LRFN2: variants seen among roughly 807,000 people sequenced by gnomAD.
LRFN2 encodes the protein leucine rich repeat and fibronectin type III domain containing 2, also known as leucine-rich repeat and fibronectin type-III domain-containing protein 2.
LRFN2 carries 18 observed loss-of-function variants against 37.3 expected under a neutral mutation model. That is an observed-to-expected ratio of 0.48 (90% CI 0.33 to 0.72). The LOEUF is 0.72. LRFN2 is among the 30% of genes least tolerant of loss of function. LRFN2 has a pLI of 0.02. For synonymous variants in LRFN2, 556 were observed against 466.6 expected, an observed-to-expected ratio of 1.19 and a Z score of -2.47; for missense variants, 1,006 against 1,060.7, an observed-to-expected ratio of 0.95 and a Z score of 0.72.
chr6:40,577,119 A>T (rs1767300337), intron 1 of LRFN2, among the ~76,000 whole-genome samples: 1 of 45,044 alleles, frequency 2.2e-5, no homozygotes, highest in Non-Finnish European at 4.9e-5. Context: ...TTTTCTTTTT[A>T]GATATGGAGT....
chr6:40,510,278 TG>T (rs1392518577), intron 1 of LRFN2, among the ~76,000 whole-genome samples: 1 of 152,160 alleles, frequency 6.6e-6, no homozygotes, highest in Non-Finnish European at 1.5e-5. Flanking sequence ...TATGTGTTAC[TG>T]TAGGATATGG....
At chr6:40,415,747 C>A (rs1178942944) in intron 2 of LRFN2, among the ~76,000 whole-genome samples, 2 of 152,188 alleles carry the variant, frequency 1.3e-5, no homozygotes, top group African/African-American at 2.4e-5. Context: ...TTGTAGCTGC[C>A]CTTCCCATGT....
chr6:40,491,506 G>A (rs1765096776), intron 1 of LRFN2, among the ~76,000 whole-genome samples: 1 of 142,922 alleles, frequency 7.0e-6, no homozygotes, highest in Non-Finnish European at 1.5e-5. Flanking sequence ...CTCTGAGTGT[G>A]TTTCCCTCAC....
chr6:40,573,429 C>G lies in LRFN2; in HGVS notation c.-19+13512G>C, dbSNP rs1581801020. 2.6e-5 allele frequency among the ~76,000 whole-genome samples: 4 copies of G among 152,316 alleles called. 1 individual carries two copies. Among genetic ancestry groups the G allele is most frequent in the Admixed American group, 2.6e-4 (4 of 15,304 alleles). Reference sequence around the variant, plus strand: ...CTCGACCTCTGTGTTTCAGTTCCCTCTTTGCTGTAATTTGCCTAAGTGACA... The same window carrying G: ...CTCGACCTCTGTGTTTCAGTTCCCTGTTTGCTGTAATTTGCCTAAGTGACA... On this transcript the variant is annotated intron_variant, in intron 1 of 2. Transcript: ENST00000338305.
chr6:40,476,038 C>T (rs1350060441), intron 1 of LRFN2, among the ~76,000 whole-genome samples: 2 of 152,168 alleles, frequency 1.3e-5, no homozygotes, highest in South Asian at 4.1e-4. Flanking sequence ...TGAATGTAGT[C>T]CAGGCTAGAT....
intron 1 of LRFN2, among the ~76,000 whole-genome samples, chr6:40,471,976 G>C (rs1343113337): frequency 6.6e-6 from 1 of 152,146 alleles, no homozygotes; most frequent in Non-Finnish European, 1.5e-5. Context: ...CCCAAATGCT[G>C]GAGGGCCCAG....
chr6:40,567,597 A>C (rs1204320304), intron 1 of LRFN2, among the ~76,000 whole-genome samples: 2 of 152,246 alleles, frequency 1.3e-5, no homozygotes, highest in Admixed American at 1.3e-4. Context: ...ATGGGACACC[A>C]GGCAACAGAG....
At chr6:40,480,822 C>T (rs1764810996) in intron 1 of LRFN2, among the ~76,000 whole-genome samples, 1 of 152,136 alleles carries the variant, frequency 6.6e-6, no homozygotes, top group Admixed American at 6.6e-5. Context: ...GGAATACAAG[C>T]GCTCATTAAA....
At chr6:40,439,923 AAGAG>A (rs1763790449) in intron 1 of LRFN2, among the ~76,000 whole-genome samples, 1 of 151,964 alleles carries the variant, frequency 6.6e-6, no homozygotes, top group African/African-American at 2.4e-5. Context: ...AAAAGAGAGA[AAGAG>A]AGACAGAGAA....
intron 1 of LRFN2, among the ~76,000 whole-genome samples, chr6:40,446,278 GC>G (rs1449191363): frequency 6.6e-6 from 1 of 152,222 alleles, no homozygotes; most frequent in East Asian, 1.9e-4. Flanking sequence ...AAGGCAACCA[GC>G]AGTGGAGAGA....
intron 2 of LRFN2, among the ~76,000 whole-genome samples, chr6:40,397,590 C>T (rs528100112): frequency 1.3e-5 from 2 of 152,340 alleles, no homozygotes; most frequent in South Asian, 4.1e-4. Flanking sequence ...TCTACCCACA[C>T]AGCCTCTGAC....
chr6:40,527,831 A>G (rs1364383132), intron 1 of LRFN2, among the ~76,000 whole-genome samples: 2 of 152,238 alleles, frequency 1.3e-5, no homozygotes, highest in Non-Finnish European at 2.9e-5. Context: ...TTTGGGGCCA[A>G]GTTCAGTTTG....
intron 1 of LRFN2, among the ~76,000 whole-genome samples, chr6:40,444,438 C>G (rs1396931814): frequency 6.6e-6 from 1 of 152,178 alleles, no homozygotes; most frequent in Non-Finnish European, 1.5e-5. Flanking sequence ...CAGATAAAAG[C>G]CGCTGTTGCC....
At chr6:40,482,906 T>A (rs560211528) in intron 1 of LRFN2, among the ~76,000 whole-genome samples, 32 of 152,306 alleles carry the variant, frequency 2.1e-4, no homozygotes, top group Middle Eastern at 3.4e-3. Flanking sequence ...CGGACATGAC[T>A]AGGGCGCCTA....
intron 2 of LRFN2, among the ~76,000 whole-genome samples, chr6:40,421,590 G>A (rs1581692293): frequency 2.0e-5 from 3 of 152,204 alleles, no homozygotes; most frequent in Admixed American, 2.0e-4. Context: ...GAAGCCTCCA[G>A]GTAGCAGGAT....
intron 1 of LRFN2, among the ~76,000 whole-genome samples, chr6:40,523,605 C>T (rs911922445): frequency 4.0e-5 from 6 of 150,132 alleles, no homozygotes; most frequent in African/African-American, 1.5e-4. Flanking sequence ...CTTTGATCCA[C>T]TGAGCACCTA....
chr6:40,414,424 T>C (rs1444800169), intron 2 of LRFN2, among the ~76,000 whole-genome samples: 2 of 152,210 alleles, frequency 1.3e-5, no homozygotes, highest in African/African-American at 4.8e-5. Flanking sequence ...ACCAGCACCT[T>C]TTTTGTCAGG....
At chr6:40,499,809 G>T (rs1480642267) in intron 1 of LRFN2, among the ~76,000 whole-genome samples, 1 of 152,188 alleles carries the variant, frequency 6.6e-6, no homozygotes, top group African/African-American at 2.4e-5. Flanking sequence ...TGGAGCCATT[G>T]ATTCAAGCTC....
intron 2 of LRFN2, among the ~76,000 whole-genome samples, chr6:40,411,507 C>T (rs1401543730): frequency 1.3e-5 from 2 of 152,214 alleles, no homozygotes; most frequent in Non-Finnish European, 2.9e-5. Flanking sequence ...AATCAGCGTC[C>T]TTACAAAGGC....
Sources: gnomAD v4.1 joint callset for allele counts (sites outside exome capture counted in the v4.1 genomes callset) on GRCh38, gnomAD v4.1.1 for gene constraint, MANE v1.5 for transcripts, NCBI Gene and HGNC (gene_info 2026-07-23, HGNC 2026-07-21) for gene names.